Variants in CHODL observed in about 807,000 individuals in gnomAD.
CHODL encodes transmembrane protein MT75.
Under a neutral mutation model 34.5 loss-of-function variants are expected in CHODL, and 29 were observed. The ratio of observed to expected loss-of-function variants is 0.84; its 90% CI spans 0.63 to 1.15. The LOEUF (loss-of-function observed/expected upper bound fraction) is 1.15. Among genes scored for constraint, CHODL ranks in the 50% most tolerant of loss-of-function variants. The probability of loss-of-function intolerance (pLI) is 0.00; values close to 1 mark genes in which losing one functional copy is unlikely to be tolerated. For missense variants in CHODL, 332 were observed against 332.5 expected (o/e 1.00, Z 0.01); for synonymous variants, 125 against 116.1 (o/e 1.08, Z -0.49).
At chr21:18,226,350 G>A (rs2073930796) in intron 2 of CHODL, among the ~76,000 whole-genome samples, 1 of 152,118 alleles carries the variant, frequency 6.6e-6, no homozygotes, top group African/African-American at 2.4e-5. Context: ...TCTCAGGCTG[G>A]AGTGTAGTGG....
intron 2 of CHODL, among the ~76,000 whole-genome samples, chr21:18,105,601 C>T (rs1568888774): frequency 6.6e-6 from 1 of 152,042 alleles, no homozygotes; most frequent in Non-Finnish European, 1.5e-5. Flanking sequence ...ATTCGAGTAC[C>T]CTAGAAGGTT....
chr21:18,071,146 A>ATTTTTT (rs10634402), intron 2 of CHODL, among the ~76,000 whole-genome samples: 4 of 112,658 alleles, frequency 3.6e-5, no homozygotes, highest in African/African-American at 7.1e-5. Flanking sequence ...TAACTACAGC[A>ATTTTTT]TTTTTTTTTT....
At chr21:18,155,105 A>C (rs542483473) in intron 2 of CHODL, among the ~76,000 whole-genome samples, 33 of 152,354 alleles carry the variant, frequency 2.2e-4, no homozygotes, top group Middle Eastern at 3.4e-3. Context: ...TTAGACAGAC[A>C]TATTTATTCA....
chr21:18,167,224 T>G (rs1022298586), intron 2 of CHODL, among the ~76,000 whole-genome samples: 39 of 123,302 alleles, frequency 3.2e-4, no homozygotes, highest in African/African-American at 9.3e-4. Flanking sequence ...TGTGTGTGTG[T>G]GTGTGTGTGT....
At chr21:17,925,308 G>C (rs1354457469) in intron 1 of CHODL, among the ~76,000 whole-genome samples, 1 of 152,212 alleles carries the variant, frequency 6.6e-6, no homozygotes, top group Non-Finnish European at 1.5e-5. Context: ...TTTTAGAACT[G>C]TGCAGGCAGA....
chr21:18,166,714 C>A (rs1447731254), intron 2 of CHODL, among the ~76,000 whole-genome samples: 1 of 151,810 alleles, frequency 6.6e-6, no homozygotes, highest in Non-Finnish European at 1.5e-5. Flanking sequence ...ACTTGATATT[C>A]TTGAAATTAC....
intron 2 of CHODL, among the ~76,000 whole-genome samples, chr21:18,036,403 TGCTTTGTGTATAGGACTGTAC>T (rs1238290564): frequency 6.6e-6 from 1 of 151,982 alleles, no homozygotes; most frequent in Non-Finnish European, 1.5e-5. Flanking sequence ...TTCAGGGGCT[TGCTTTGTGTATAGGACTGTAC>T]GCTCTGGCAC....
At chr21:18,174,123 G>GTATATATATATATATA (rs1159511070) in intron 2 of CHODL, among the ~76,000 whole-genome samples, 2 of 21,566 alleles carry the variant, frequency 9.3e-5, no homozygotes, top group African/African-American at 2.4e-4. Flanking sequence ...ATATCTTGGT[G>GTATATATATATATATA]TATATATATA....
chr21:18,019,077 G>A (rs2064103095), intron 1 of CHODL, among the ~76,000 whole-genome samples: 1 of 152,182 alleles, frequency 6.6e-6, no homozygotes, highest in Non-Finnish European at 1.5e-5. Context: ...AGATAAAAAT[G>A]ATTATTTGTA....
chr21:18,065,584 G>T (rs1336204186), intron 2 of CHODL, among the ~76,000 whole-genome samples: 2 of 152,136 alleles, frequency 1.3e-5, no homozygotes, highest in African/African-American at 2.4e-5. Context: ...CAATCCTGGA[G>T]ATTGCAATCA....
chr21:17,958,879 T>TGGCC (rs2063511976), intron 1 of CHODL, among the ~76,000 whole-genome samples: 1 of 152,070 alleles, frequency 6.6e-6, no homozygotes, highest in Non-Finnish European at 1.5e-5. Context: ...TTCAGTGTAT[T>TGGCC]CTTTCTGTTT....
intron 2 of CHODL, among the ~76,000 whole-genome samples, chr21:18,210,463 C>T (rs1477556730): frequency 1.3e-5 from 2 of 152,150 alleles, no homozygotes; most frequent in Non-Finnish European, 2.9e-5. Flanking sequence ...TGATTGCTCA[C>T]CTAGCTTGGT....
intron 2 of CHODL, among the ~76,000 whole-genome samples, chr21:18,147,392 T>G (rs1293794656): frequency 6.6e-6 from 1 of 152,210 alleles, no homozygotes; most frequent in East Asian, 1.9e-4. Flanking sequence ...GTTCTTTGGT[T>G]CTTCCCTATT....
At chr21:18,128,630 A>G (rs2072612052) in intron 2 of CHODL, among the ~76,000 whole-genome samples, 1 of 152,136 alleles carries the variant, frequency 6.6e-6, no homozygotes, top group African/African-American at 2.4e-5. Context: ...TATTCAGTAA[A>G]ATGATCAATA....
intron 1 of CHODL, among the ~76,000 whole-genome samples, chr21:18,248,744 TAA>T (rs1387974997): frequency 8.4e-6 from 1 of 119,550 alleles, no homozygotes; most frequent in Non-Finnish European, 1.6e-5. Context: ...TATATATGTA[TAA>T]TATATATGTA....
chr21:18,066,744 G>A (rs574120455), intron 2 of CHODL, among the ~76,000 whole-genome samples: 8 of 152,268 alleles, frequency 5.3e-5, no homozygotes, highest in African/African-American at 1.9e-4. Flanking sequence ...GGTCTTTAAA[G>A]GGGCAATTAA....
chr21:18,148,689 C>T (rs970679066), intron 2 of CHODL, among the ~76,000 whole-genome samples: 2 of 152,100 alleles, frequency 1.3e-5, no homozygotes, highest in Non-Finnish European at 2.9e-5. Flanking sequence ...ATACATTTTA[C>T]ACTGTATACA....
intron 2 of CHODL, among the ~76,000 whole-genome samples, chr21:18,229,616 A>C (rs781618206): frequency 6.6e-6 from 1 of 152,178 alleles, no homozygotes; most frequent in African/African-American, 2.4e-5. Context: ...ATGGACGCTC[A>C]TAATTCTTCA....
At chr21:18,174,560 AT>A (rs1018712415) in intron 2 of CHODL, among the ~76,000 whole-genome samples, 51 of 152,156 alleles carry the variant, frequency 3.4e-4, no homozygotes, top group African/African-American at 1.1e-3. Flanking sequence ...AGATACAATT[AT>A]TGCTGACAGG....
Sources: gnomAD v4.1 joint callset for allele counts (sites outside exome capture counted in the v4.1 genomes callset) on GRCh38, gnomAD v4.1.1 for gene constraint, MANE v1.5 for transcripts, NCBI Gene and HGNC (gene_info 2026-07-23, HGNC 2026-07-21) for gene names.